The following CADPS variants were observed in gnomAD, a reference collection of about 807,000 sequenced individuals.
CADPS encodes the protein calcium dependent secretion activator.
CADPS carries 57 observed loss-of-function variants against 167.3 expected under a neutral mutation model. That is an observed-to-expected ratio of 0.34 (90% confidence interval 0.28 to 0.42). CADPS has a LOEUF of 0.42. Among genes scored for constraint, CADPS ranks in the 20% least tolerant of loss-of-function variants. The probability of loss-of-function intolerance (pLI) is 1.00; values close to 1 mark genes in which losing one functional copy is unlikely to be tolerated. For synonymous variants in CADPS, 676 were observed against 635.3 expected (o/e 1.06, Z -0.96); for missense variants, 1,414 against 1,738.1 (o/e 0.81, Z 3.32).
intron 2 of CADPS, among the ~76,000 whole-genome samples, chr3:62,757,091 C>T (rs749554032): frequency 1.6e-4 from 24 of 152,202 alleles, no homozygotes; most frequent in Non-Finnish European, 2.5e-4. Context: ...GGTGCTTGTA[C>T]GAGACCGGGT....
At chr3:62,794,995 G>A (rs1297775629) in intron 1 of CADPS, among the ~76,000 whole-genome samples, 4 of 152,120 alleles carry the variant, frequency 2.6e-5, no homozygotes, top group Middle Eastern at 3.4e-3. Context: ...GCCTTTCTCT[G>A]CAGGCTGCTG....
intron 13 of CADPS, among the ~76,000 whole-genome samples, chr3:62,521,222 G>GA (rs890488723): frequency 6.6e-6 from 1 of 151,864 alleles, no homozygotes; most frequent in Non-Finnish European, 1.5e-5. Context: ...CTGTTCTAGA[G>GA]AAAAAAAATA....
At chr3:62,606,918 G>A (rs922483665) in intron 6 of CADPS, among the ~76,000 whole-genome samples, 66 of 152,338 alleles carry the variant, frequency 4.3e-4, no homozygotes, top group African/African-American at 1.5e-3. Flanking sequence ...TGAAAGCAGA[G>A]CCATTCAGCT....
In CADPS at chr3:62,874,231, G is replaced by A. The variant is rs2083220181; in HGVS notation, c.441+358C>T. ...CTGGAGAGCGCTGGGAGCCCTGCAA[G>A]CGAGCAAGGCCTCTCTGGGCGCCGC... is the stretch of plus-strand genomic sequence containing the variant. On this transcript the variant is annotated intron_variant, in intron 1 of 29. Coordinates refer to ENST00000383710, the MANE Select transcript of CADPS (RefSeq NM_003716.4). The surrounding 1 kb of genome is among the most constrained non-coding windows in gnomAD (Gnocchi z 7.1). Among the ~76,000 whole-genome samples the A allele has an allele frequency of 6.6e-6, 1 of 152,166 alleles. No individual in the cohort carries two copies. Among genetic ancestry groups the A allele is most frequent in the Non-Finnish European group, 1.5e-5 (1 of 68,016 alleles).
chr3:62,517,974 CAA>C lies in CADPS; in HGVS notation c.2393+173_2393+174del, dbSNP rs539728982. On this transcript the variant is annotated intron_variant, in intron 14 of 29. Coordinates refer to ENST00000383710, the MANE Select transcript of CADPS (RefSeq NM_003716.4). ...TGGAAATAACATGAACTTAAGAATG[CAA>C]AGTTTCCTGGTTATTGCGGAACCAT... Among the ~76,000 whole-genome samples the C allele has an allele frequency of 3.0e-3, 453 of 152,266 alleles. 3 individuals are homozygous for C. Among genetic ancestry groups the C allele is most frequent in the African/African-American group, 9.9e-3 (412 of 41,570 alleles).
intron 26 of CADPS, among the ~76,000 whole-genome samples, chr3:62,448,064 T>A (rs2057485133): frequency 6.6e-6 from 1 of 152,186 alleles, no homozygotes; most frequent in Admixed American, 6.5e-5. Context: ...TATTTGCTCA[T>A]GATCACAGAC....
intron 9 of CADPS, among the ~76,000 whole-genome samples, chr3:62,566,524 G>C (rs770358233): frequency 6.6e-6 from 1 of 152,166 alleles, no homozygotes; most frequent in African/African-American, 2.4e-5. Context: ...TTGTTTCAAA[G>C]GGAGTGTGTT....
intron 28 of CADPS, among the ~76,000 whole-genome samples, chr3:62,418,950 A>G (rs930553714): frequency 6.6e-6 from 1 of 152,222 alleles, no homozygotes; most frequent in Non-Finnish European, 1.5e-5. Flanking sequence ...AAAATGGAAC[A>G]TGGGCCAGAC....
At chr3:62,501,314 T>C (rs933092709) in intron 17 of CADPS, among the ~76,000 whole-genome samples, 1 of 152,242 alleles carries the variant, frequency 6.6e-6, no homozygotes, top group Non-Finnish European at 1.5e-5. Flanking sequence ...AAATAGACTA[T>C]CATAATTTCA....
intron 18 of CADPS, among the ~76,000 whole-genome samples, chr3:62,497,103 A>T (rs563340835): frequency 6.6e-6 from 1 of 152,186 alleles, no homozygotes; most frequent in Non-Finnish European, 1.5e-5. Context: ...GCAGTTTAGG[A>T]TAAGGATTAA....
rs181427738 is a variant in CADPS at position 62,476,367 on chromosome 3, G to A, written c.3329+1894C>T. Among the ~76,000 whole-genome samples, 517 of 152,216 alleles carry A rather than the reference G, an allele frequency of 3.4e-3. 6 individuals carry two copies. The highest frequency in any genetic ancestry group is 0.012 in the African/African-American group (483 of 41,536). On this transcript the variant is annotated intron_variant, in intron 23 of 29. Coordinates refer to ENST00000383710, the MANE Select transcript of CADPS (RefSeq NM_003716.4). ...CTCTGTCCTCTGAATCTGTAGGTCCGGGGGTATTTCCACCCATTTTTGCTC... is the reference window on the plus strand; with the variant it reads ...CTCTGTCCTCTGAATCTGTAGGTCCAGGGGTATTTCCACCCATTTTTGCTC...
intron 3 of CADPS, among the ~76,000 whole-genome samples, chr3:62,745,781 A>G (rs1361823200): frequency 2.0e-5 from 3 of 152,196 alleles, no homozygotes; most frequent in Non-Finnish European, 4.4e-5. Flanking sequence ...TGGACTCTGC[A>G]TTTACTGATT....
At chr3:62,543,174 T>C (rs2075976035) in intron 11 of CADPS, among the ~76,000 whole-genome samples, 1 of 152,162 alleles carries the variant, frequency 6.6e-6, no homozygotes, top group Admixed American at 6.6e-5. Context: ...ACTTTTACAG[T>C]GAAAAGGGAC....
intron 3 of CADPS, among the ~76,000 whole-genome samples, chr3:62,691,762 C>A (rs1443596760): frequency 6.6e-6 from 1 of 151,996 alleles, no homozygotes; most frequent in Non-Finnish European, 1.5e-5. Context: ...GGGCAACACA[C>A]ACTGGGGCCT....
At chr3:62,583,679 C>G (rs904443019) in intron 8 of CADPS, among the ~76,000 whole-genome samples, 11 of 152,216 alleles carry the variant, frequency 7.2e-5, no homozygotes, top group South Asian at 2.1e-4. Context: ...TCACTGGTCT[C>G]CAGCTCACAG....
At chr3:62,659,418 T>A (rs1316100106) in intron 4 of CADPS, among the ~76,000 whole-genome samples, 6 of 152,180 alleles carry the variant, frequency 3.9e-5, no homozygotes, top group Non-Finnish European at 8.8e-5. Context: ...TTATTTTTCT[T>A]GGGATCCAAC....
At chr3:62,664,154 A>G (rs1244400222) in intron 3 of CADPS, among the ~76,000 whole-genome samples, 2 of 152,034 alleles carry the variant, frequency 1.3e-5, no homozygotes, top group Non-Finnish European at 2.9e-5. Flanking sequence ...TTACAGGCGC[A>G]TGCCATTGTG....
At position 62,584,954 on chromosome 3, in the gene CADPS, C is replaced by T. The variant is rs143564141; in HGVS notation, c.1577+231G>A. On this transcript the variant is annotated intron_variant, in intron 8 of 29. Coordinates refer to ENST00000383710, the MANE Select transcript of CADPS (RefSeq NM_003716.4). ...GAAAGTTTTGAATTGTCCTAGAAAC[C>T]GTATTAGAGAAAGAGAAGGACATTT... Among the ~76,000 whole-genome samples the T allele has an allele frequency of 1.2e-4, 19 of 152,118 alleles. No individual in the cohort carries two copies. In the East Asian group the frequency reaches 3.7e-3, roughly 29 times the overall value.
intron 1 of CADPS, among the ~76,000 whole-genome samples, chr3:62,805,620 T>G (rs1042538401): frequency 6.6e-6 from 1 of 152,184 alleles, no homozygotes; most frequent in Non-Finnish European, 1.5e-5. Context: ...AAAGCAGCTG[T>G]GCTAACTGAA....
Sources: allele counts gnomAD v4.1 joint callset (sites outside exome capture counted in the v4.1 genomes callset), GRCh38; gene constraint gnomAD v4.1.1; non-coding constraint Gnocchi (gnomAD v3.1); transcripts MANE v1.5; gene names NCBI Gene and HGNC (gene_info 2026-07-23, HGNC 2026-07-21).